The following G2E3 variants were observed in gnomAD, a reference collection of about 807,000 sequenced individuals.
G2E3 encodes the protein G2/M phase-specific E3 ubiquitin-protein ligase.
A neutral mutation model predicts 92.8 loss-of-function variants in G2E3; 35 were observed. The observed-to-expected ratio is 0.38, with a 90% CI of 0.29 to 0.50. The LOEUF (loss-of-function observed/expected upper bound fraction) is 0.50, where lower values mean the gene tolerates loss of function less well. G2E3 is among the 20% of genes least tolerant of loss of function. The probability of loss-of-function intolerance (pLI) is 0.94; values close to 1 mark genes in which losing one functional copy is unlikely to be tolerated. For synonymous variants in G2E3, 242 were observed against 272.4 expected (o/e 0.89, Z 1.10); for missense variants, 554 against 823.8 (o/e 0.67, Z 4.01).
At chr14:30,612,742 A>G (rs921566951) in intron 13 of G2E3, among the ~76,000 whole-genome samples, 3 of 152,116 alleles carry the variant, frequency 2.0e-5, no homozygotes, top group African/African-American at 7.2e-5. Context: ...CTGTAATCTC[A>G]GCTACTTGGG....
intron 1 of G2E3, among the ~76,000 whole-genome samples, chr14:30,580,425 C>G (rs1332238027): frequency 6.6e-6 from 1 of 152,108 alleles, no homozygotes; most frequent in Non-Finnish European, 1.5e-5. Flanking sequence ...AGGCTGGTCT[C>G]GAACTCCTGA....
chr14:30,559,569 T>A (rs1878965571), intron 1 of G2E3: 1 of 152,224 alleles, frequency 6.6e-6, no homozygotes, highest in Non-Finnish European at 1.5e-5. Context: ...GTGGCTTTTT[T>A]TAAACCCGTA....
At position 30,560,454 on chromosome 14, in the gene G2E3, T is replaced by C. The variant is rs1594452350; in HGVS notation, c.-5+1182T>C. On this transcript the variant is annotated intron_variant, in intron 1 of 14. Transcript: ENST00000206595. The stretch of plus-strand genomic sequence containing the variant: ...ATTCCAGCACCCCCATTCTTCCTGC[T>C]ATTGAACTTTTAAGTGTTAGCCAGG... The C allele has an allele frequency of 2.0e-5, 5 of 252,552 alleles. No individual in the cohort carries two copies. The East Asian group carries it at 3.9e-4, about 20-fold the overall frequency. 15.6% of individuals were successfully genotyped at this position (252,552 alleles called of 1,614,324 possible). A position where few individuals can be genotyped will look rare whatever the true frequency, so the allele number is the denominator to read the frequency against.
intron 11 of G2E3, among the ~76,000 whole-genome samples, 166 bp from the exon 12 acceptor site, chr14:30,607,721 GT>G (rs1881897126): frequency 6.6e-6 from 1 of 151,998 alleles, no homozygotes; most frequent in African/African-American, 2.4e-5. Flanking sequence ...AGAAAAATGT[GT>G]CTTTTTTTAT....
intron 10 of G2E3, 59 bp downstream of exon 10, chr14:30,602,190 A>G: frequency 7.6e-7 from 1 of 1,318,432 alleles, no homozygotes; most frequent in African/African-American, 1.5e-5. Context: ...TTATGATAGG[A>G]AATGCCATAT....
chr14:30,559,515 C>T (rs1283372304), intron 1 of G2E3: 2 of 152,134 alleles, frequency 1.3e-5, no homozygotes, highest in African/African-American at 2.4e-5. Context: ...ATTCGGAGGC[C>T]CTGCCGGTCC....
At chr14:30,591,995 G>T (rs17096931) in intron 4 of G2E3, among the ~76,000 whole-genome samples, 2 of 152,014 alleles carry the variant, frequency 1.3e-5, no homozygotes, top group Non-Finnish European at 2.9e-5. Context: ...TTTCAATGAG[G>T]TGTTTATGTA....
intron 10 of G2E3, among the ~76,000 whole-genome samples, chr14:30,603,583 T>G (rs1881684243): frequency 6.6e-6 from 1 of 152,210 alleles, no homozygotes; most frequent in African/African-American, 2.4e-5. Flanking sequence ...GACTCATACC[T>G]GTAATCCCAA....
intron 13 of G2E3, among the ~76,000 whole-genome samples, chr14:30,612,664 C>T (rs547920823): frequency 1.3e-4 from 20 of 152,158 alleles, no homozygotes; most frequent in Admixed American, 7.9e-4. Flanking sequence ...TTGAGACCAG[C>T]CTGACCAACA....
intron 2 of G2E3, among the ~76,000 whole-genome samples, chr14:30,584,501 T>C (rs1880600064): frequency 6.6e-6 from 1 of 152,246 alleles, no homozygotes; most frequent in Non-Finnish European, 1.5e-5. Flanking sequence ...CAGCAGTGTG[T>C]GATGGTTTTG....
chr14:30,579,283 A>G lies in G2E3; in HGVS notation c.-4-1793A>G, dbSNP rs79083880. Among the ~76,000 whole-genome samples, 554 of 152,244 alleles carry G rather than the reference A, an allele frequency of 3.6e-3. 7 individuals carry two copies. Among genetic ancestry groups the G allele is most frequent in the African/African-American group, 0.013 (523 of 41,542 alleles). ...TACTTAACTCTAAAGCCCCCTTAAA[A>G]CTGGGCTCTTAGTTGTTTTATACAT... is the stretch of plus-strand genomic sequence containing the variant. On this transcript the variant is annotated intron_variant, in intron 1 of 14. Coordinates refer to ENST00000206595, the MANE Select transcript of G2E3 (RefSeq NM_017769.5).
chr14:30,591,181 T>A (rs1205532215), intron 4 of G2E3, among the ~76,000 whole-genome samples: 1 of 152,166 alleles, frequency 6.6e-6, no homozygotes, highest in Non-Finnish European at 1.5e-5. Context: ...AATTCCTTGT[T>A]GTCAGTTCAT....
chr14:30,565,650 CTTTTTTTTTTTTTTTTTTT>C (rs537643569), intron 1 of G2E3, among the ~76,000 whole-genome samples: 5 of 62,230 alleles, frequency 8.0e-5, no homozygotes, highest in Non-Finnish European at 1.1e-4. Context: ...AACTTCATTC[CTTTTTTTTTTTTTTTTTTT>C]TTTTTTTTTT....
chr14:30,560,682 G>A, intron 1 of G2E3: 2 of 630,612 alleles, frequency 3.2e-6, no homozygotes, highest in Admixed American at 2.8e-5. Flanking sequence ...ATTTTCATTG[G>A]ATTTTTGCTC....
chr14:30,559,915 A>T (rs971084748), intron 1 of G2E3: 1 of 152,148 alleles, frequency 6.6e-6, no homozygotes. Context: ...CGAGACTCCT[A>T]TTTAAACCGG....
At chr14:30,572,981 T>G (rs556445076) in intron 1 of G2E3, among the ~76,000 whole-genome samples, 1 of 151,542 alleles carries the variant, frequency 6.6e-6, no homozygotes, top group African/African-American at 2.4e-5. Flanking sequence ...TAAAAAACAT[T>G]GAAGATCATA....
At chr14:30,575,217 T>C (rs962522047) in intron 1 of G2E3, among the ~76,000 whole-genome samples, 8 of 152,208 alleles carry the variant, frequency 5.3e-5, no homozygotes, top group African/African-American at 1.9e-4. Context: ...GTCGCGTATA[T>C]GTCTTCTTTT....
At chr14:30,588,767 C>T (rs1880852300) in intron 3 of G2E3, among the ~76,000 whole-genome samples, 1 of 152,130 alleles carries the variant, frequency 6.6e-6, no homozygotes, top group Admixed American at 6.6e-5. Flanking sequence ...TTCTTATTCA[C>T]ATTCTACACT....
chr14:30,566,118 G>A (rs995721890), intron 1 of G2E3, among the ~76,000 whole-genome samples: 1 of 152,156 alleles, frequency 6.6e-6, no homozygotes, highest in African/African-American at 2.4e-5. Flanking sequence ...CTATTGATGT[G>A]TATGTCTGTC....
Sources: gnomAD v4.1 joint callset for allele counts (sites outside exome capture counted in the v4.1 genomes callset) on GRCh38, gnomAD v4.1.1 for gene constraint, MANE v1.5 for transcripts, NCBI Gene and HGNC (gene_info 2026-07-23, HGNC 2026-07-21) for gene names.